ZDHHC14: variants seen among roughly 807,000 people sequenced by gnomAD.
ZDHHC14 encodes palmitoyltransferase ZDHHC14.
ZDHHC14 carries 16 observed loss-of-function variants against 47.7 expected under a neutral mutation model. The ratio of observed to expected loss-of-function variants is 0.34; its 90% CI spans 0.23 to 0.51. The LOEUF is 0.51. Ranked by LOEUF, ZDHHC14 falls within the 20% of genes least tolerant of loss-of-function variation. The pLI, the probability that ZDHHC14 is intolerant of heterozygous loss-of-function variation, is 0.97. For missense variants in ZDHHC14, 515 were observed against 662.5 expected, an observed-to-expected ratio of 0.78 and a Z score of 2.44; for synonymous variants, 293 against 278.9, an observed-to-expected ratio of 1.05 and a Z score of -0.50.
At chr6:157,524,525 T>C (rs1781088833) in intron 1 of ZDHHC14, among the ~76,000 whole-genome samples, 1 of 152,232 alleles carries the variant, frequency 6.6e-6, no homozygotes, top group South Asian at 2.1e-4. Flanking sequence ...ATATACACGT[T>C]TTCTCTTTCC....
In ZDHHC14 at chr6:157,636,333, A is replaced by G. The variant is rs201203226; in HGVS notation, c.752+3451A>G. ...ATATATAAGGACTATATAAGGATAT[A>G]TAAGTGTGTGTGTGTGTGTGTGTGT... On this transcript the variant is annotated intron_variant, in intron 5 of 8. Coordinates refer to ENST00000359775, the MANE Select transcript of ZDHHC14 (RefSeq NM_024630.3). 2.4e-3 allele frequency among the ~76,000 whole-genome samples: 163 copies of G among 68,442 alleles called. 2 individuals are homozygous for G. Among genetic ancestry groups the G allele is most frequent in the East Asian group, 4.2e-3 (7 of 1,652 alleles). The allele number at this position is 68,442 out of a possible 152,430, so 44.9% of individuals were successfully genotyped here. A position where few individuals can be genotyped will look rare whatever the true frequency, so the allele number is the denominator to read the frequency against.
intron 1 of ZDHHC14, among the ~76,000 whole-genome samples, chr6:157,526,297 G>A (rs1163443623): frequency 6.6e-6 from 1 of 152,208 alleles, no homozygotes; most frequent in Non-Finnish European, 1.5e-5. Flanking sequence ...AACACATGAT[G>A]AAATGAAGAC....
At chr6:157,495,515 C>A (rs563952821) in intron 1 of ZDHHC14, among the ~76,000 whole-genome samples, 1 of 151,894 alleles carries the variant, frequency 6.6e-6, no homozygotes, top group Non-Finnish European at 1.5e-5. Flanking sequence ...GCATCAGAGA[C>A]CCCAGAAGCA....
chr6:157,557,284 A>T (rs575052534), intron 2 of ZDHHC14, among the ~76,000 whole-genome samples: 2 of 152,234 alleles, frequency 1.3e-5, no homozygotes, highest in African/African-American at 4.8e-5. Context: ...AATTAAACAG[A>T]GGGGCAGGGC....
At chr6:157,630,787 AC>A (rs1785671719) in intron 4 of ZDHHC14, 1 of 150,388 alleles carries the variant, frequency 6.6e-6, no homozygotes, top group African/African-American at 2.5e-5. Flanking sequence ...CCACACACAT[AC>A]CCTTACACAG....
At chr6:157,606,255 A>G (rs1326785119) in intron 3 of ZDHHC14, among the ~76,000 whole-genome samples, 1 of 152,076 alleles carries the variant, frequency 6.6e-6, no homozygotes, top group African/African-American at 2.4e-5. Context: ...AGCTGAGGTC[A>G]GGAGTTTGAG....
intron 1 of ZDHHC14, among the ~76,000 whole-genome samples, chr6:157,505,921 G>GGTTCACTTGTTCATTTGAAA (rs1780316184): frequency 6.6e-6 from 1 of 152,216 alleles, no homozygotes; most frequent in Non-Finnish European, 1.5e-5. Context: ...CTGAAACACT[G>GGTTCACTTGTTCATTTGAAA]AACAAATGCA....
chr6:157,623,448 G>T (rs534465243), intron 3 of ZDHHC14, among the ~76,000 whole-genome samples: 1 of 151,808 alleles, frequency 6.6e-6, no homozygotes, highest in South Asian at 2.1e-4. Flanking sequence ...TGCCAGCCCT[G>T]CAGAACTGTG....
chr6:157,640,612 T>A (rs1038639459), intron 5 of ZDHHC14, among the ~76,000 whole-genome samples: 1 of 152,086 alleles, frequency 6.6e-6, no homozygotes, highest in African/African-American at 2.4e-5. Flanking sequence ...TACTCAGGGG[T>A]GTCCAGAGCT....
intron 1 of ZDHHC14, among the ~76,000 whole-genome samples, chr6:157,535,461 T>G (rs1240796062): frequency 1.3e-5 from 2 of 152,190 alleles, no homozygotes; most frequent in African/African-American, 4.8e-5. Flanking sequence ...CTGTTGAGCT[T>G]TGATGAAACT....
chr6:157,500,001 T>C (rs914280357), intron 1 of ZDHHC14, among the ~76,000 whole-genome samples: 1 of 152,176 alleles, frequency 6.6e-6, no homozygotes, highest in Non-Finnish European at 1.5e-5. Flanking sequence ...TCCACAAATA[T>C]ATGTATAACA....
At chr6:157,437,531 T>G (rs187302248) in intron 1 of ZDHHC14, among the ~76,000 whole-genome samples, 1 of 152,342 alleles carries the variant, frequency 6.6e-6, no homozygotes, top group East Asian at 1.9e-4. Flanking sequence ...GAAGAATTCC[T>G]GCATATGCCT....
At chr6:157,567,642 C>T (rs1166154345) in intron 2 of ZDHHC14, among the ~76,000 whole-genome samples, 2 of 152,054 alleles carry the variant, frequency 1.3e-5, no homozygotes, top group African/African-American at 4.8e-5. Context: ...CATGGCGAAA[C>T]CCCATCTCTG....
At chr6:157,404,080 A>G (rs560953818) in intron 1 of ZDHHC14, among the ~76,000 whole-genome samples, 3 of 152,360 alleles carry the variant, frequency 2.0e-5, no homozygotes, top group East Asian at 3.9e-4. Flanking sequence ...TCAGTGCCAT[A>G]TATCTTTGGA....
intron 4 of ZDHHC14, 198 bp from the exon 5 acceptor site, chr6:157,632,636 A>C: frequency 1.6e-6 from 1 of 630,646 alleles, no homozygotes; most frequent in South Asian, 1.9e-5. Context: ...GTTGGGCCTA[A>C]TTATGAATCC....
intron 1 of ZDHHC14, among the ~76,000 whole-genome samples, chr6:157,541,024 A>G (rs1781741427): frequency 6.6e-6 from 1 of 151,626 alleles, no homozygotes; most frequent in African/African-American, 2.4e-5. Flanking sequence ...ACTTACAGAG[A>G]AGTTACAAGA....
At chr6:157,625,826 T>C (rs1038619486) in intron 3 of ZDHHC14, among the ~76,000 whole-genome samples, 1 of 152,022 alleles carries the variant, frequency 6.6e-6, no homozygotes, top group African/African-American at 2.4e-5. Context: ...AGAAATAGTT[T>C]GCCAGAAAAA....
In ZDHHC14 at chr6:157,674,493, A is replaced by G. The variant is rs374807706; in HGVS notation, c.*1371A>G. ...CTCTGGACTTAGGGAGTGTGTCACT[A>G]TGGGGGCAGCCACAGGGGACACAGC... On this transcript the variant is annotated 3_prime_UTR_variant, in exon 9 of 9. Coordinates refer to ENST00000359775, the MANE Select transcript of ZDHHC14 (RefSeq NM_024630.3). The G allele has an allele frequency of 4.1e-4, 62 of 152,316 alleles. No individual in the cohort carries two copies. Among genetic ancestry groups the G allele is most frequent in the African/African-American group, 1.3e-3 (55 of 41,566 alleles). The allele number at this position is 152,316 out of a possible 1,614,324, so 9.4% of individuals were successfully genotyped here.
intron 7 of ZDHHC14, among the ~76,000 whole-genome samples, chr6:157,651,566 A>C (rs1777838242): frequency 1.8e-5 from 1 of 54,176 alleles, no homozygotes; most frequent in South Asian, 9.7e-4. Flanking sequence ...ACGTTCCCTC[A>C]AGACCTCCTT....
Sources: gnomAD v4.1 joint callset for allele counts (sites outside exome capture counted in the v4.1 genomes callset) on GRCh38, gnomAD v4.1.1 for gene constraint, MANE v1.5 for transcripts, NCBI Gene and HGNC (gene_info 2026-07-23, HGNC 2026-07-21) for gene names.